Variants in OSBPL1A observed in about 807,000 individuals in gnomAD.
OSBPL1A encodes the protein oxysterol binding protein like 1A, also known as oxysterol-binding protein-related protein 1.
A neutral mutation model predicts 137.1 loss-of-function variants in OSBPL1A; 80 were observed. The observed-to-expected ratio is 0.58, with a 90% CI of 0.49 to 0.70. The LOEUF (loss-of-function observed/expected upper bound fraction) is 0.70. Among genes scored for constraint, OSBPL1A ranks in the 30% least tolerant of loss-of-function variants. The probability of loss-of-function intolerance (pLI) is 0.00; values close to 1 mark genes in which losing one functional copy is unlikely to be tolerated. For synonymous variants in OSBPL1A, 365 were observed against 389.7 expected (o/e 0.94, Z 0.75); for missense variants, 970 against 1,129.4 (o/e 0.86, Z 2.02).
At chr18:24,392,835 T>C (rs1160419678) in intron 1 of OSBPL1A, among the ~76,000 whole-genome samples, 1 of 151,992 alleles carries the variant, frequency 6.6e-6, no homozygotes, top group Non-Finnish European at 1.5e-5. Context: ...GGACCACAGG[T>C]GCACGCCACC....
chr18:24,304,756 T>C (rs2095890000), intron 13 of OSBPL1A, among the ~76,000 whole-genome samples: 1 of 152,304 alleles, frequency 6.6e-6, no homozygotes, highest in Middle Eastern at 3.4e-3. Context: ...ACCTTATAAA[T>C]TTTTTAGTGC....
intron 24 of OSBPL1A, among the ~76,000 whole-genome samples, chr18:24,169,157 A>AG (rs1300960981): frequency 1.3e-5 from 2 of 152,354 alleles, no homozygotes; most frequent in East Asian, 3.9e-4. Flanking sequence ...ACACAGCTAA[A>AG]GGGAAACAAA....
chr18:24,166,780 G>T, intron 25 of OSBPL1A, 78 bp from the exon 26 acceptor site: 1 of 1,437,838 alleles, frequency 7.0e-7, no homozygotes, highest in Non-Finnish European at 9.4e-7. Flanking sequence ...GTAGAAGAGG[G>T]TTGACTTGAC....
intron 13 of OSBPL1A, among the ~76,000 whole-genome samples, chr18:24,307,278 G>A (rs1030088871): frequency 3.3e-5 from 5 of 151,984 alleles, no homozygotes; most frequent in African/African-American, 7.3e-5. Flanking sequence ...GTGAGACCCT[G>A]TCTCAAAAAG....
At chr18:24,355,956 G>A (rs991613038) in intron 4 of OSBPL1A, among the ~76,000 whole-genome samples, 1 of 141,142 alleles carries the variant, frequency 7.1e-6, no homozygotes, top group Non-Finnish European at 1.5e-5. Context: ...CTGCACTCCA[G>A]TTAGGGCAAC....
At chr18:24,242,824 C>T (rs2088748770) in intron 15 of OSBPL1A, among the ~76,000 whole-genome samples, 1 of 152,068 alleles carries the variant, frequency 6.6e-6, no homozygotes, top group Non-Finnish European at 1.5e-5. Flanking sequence ...CATGTAATTA[C>T]AATTTTTAGA....
chr18:24,245,185 C>G (rs2088846551), intron 15 of OSBPL1A, among the ~76,000 whole-genome samples: 1 of 152,092 alleles, frequency 6.6e-6, no homozygotes, highest in Non-Finnish European at 1.5e-5. Context: ...TCAAACAATC[C>G]TCTTGACTCA....
chr18:24,269,526 A>C (rs2089664094), intron 15 of OSBPL1A, among the ~76,000 whole-genome samples: 1 of 152,226 alleles, frequency 6.6e-6, no homozygotes, highest in African/African-American at 2.4e-5. Context: ...AGTTTCTTAT[A>C]AGGTAAACAA....
At chr18:24,276,042 A>G (rs1434990783) in intron 15 of OSBPL1A, among the ~76,000 whole-genome samples, 3 of 152,048 alleles carry the variant, frequency 2.0e-5, no homozygotes, top group African/African-American at 7.2e-5. Context: ...TTCCAGTCAT[A>G]CAGTTGGGTC....
At chr18:24,289,862 T>A (rs372902691) in intron 14 of OSBPL1A, among the ~76,000 whole-genome samples, 1 of 152,150 alleles carries the variant, frequency 6.6e-6, no homozygotes, top group African/African-American at 2.4e-5. Flanking sequence ...GAAAGAATAG[T>A]TGTATATACT....
Position 24,271,919 on chromosome 18 carries a change from C to G in OSBPL1A, c.1281+8923G>C. On this transcript the variant is annotated intron_variant, in intron 15 of 27. Transcript: ENST00000319481. The surrounding 1 kb of genome is among the most constrained non-coding windows in gnomAD (Gnocchi z 4.0). ...CCCGCCCGGGCCGCAGAGGTCTGCG[C>G]TGCCCCTCCGCCGCCGCTGGCTCGG... is the stretch of plus-strand genomic sequence containing the variant. The G allele has an allele frequency of 4.1e-6, 4 of 983,962 alleles. No individual in the cohort carries two copies. The highest frequency in any genetic ancestry group is 4.8e-6 in the Non-Finnish European group (4 of 829,516). 61.0% of individuals were successfully genotyped at this position (983,962 alleles called of 1,614,324 possible). A position where few individuals can be genotyped will look rare whatever the true frequency, so the allele number is the denominator to read the frequency against.
chr18:24,388,781 C>G lies in OSBPL1A; in HGVS notation c.-3+8874G>C, dbSNP rs1599742279. Among the ~76,000 whole-genome samples, 2 of 101,788 alleles carry G rather than the reference C, an allele frequency of 2.0e-5. 1 individual carries two copies. The highest frequency in any genetic ancestry group is 6.6e-4 in the South Asian group (2 of 3,022). 66.8% of individuals were successfully genotyped at this position (101,788 alleles called of 152,430 possible). A position where few individuals can be genotyped will look rare whatever the true frequency, so the allele number is the denominator to read the frequency against. On this transcript the variant is annotated intron_variant, in intron 1 of 27. Coordinates refer to ENST00000319481, the MANE Select transcript of OSBPL1A (RefSeq NM_080597.4). ...CGCCACTGCACTTCAGTCTGGGCGA[C>G]AAGAGTGAGACTCTGTCTCAAAAAA...
chr18:24,240,552 T>C (rs1248521924), intron 15 of OSBPL1A, among the ~76,000 whole-genome samples: 1 of 152,166 alleles, frequency 6.6e-6, no homozygotes, highest in East Asian at 1.9e-4. Flanking sequence ...ATGTGCACTA[T>C]AGACAGACAG....
rs80287227 is a variant in OSBPL1A, at chr18:24,237,912, C to T, written c.1444+1308G>A. ...CGTGAGTCACTCTGTTCACAAATCCCTTATTTAATTGACAACCCGTCATCA... is the reference window on the plus strand; with the variant it reads ...CGTGAGTCACTCTGTTCACAAATCCTTTATTTAATTGACAACCCGTCATCA... On this transcript the variant is annotated intron_variant, in intron 16 of 27. Transcript: ENST00000319481. Among the ~76,000 whole-genome samples the T allele has an allele frequency of 5.1e-3, 773 of 152,298 alleles. 26 individuals are homozygous for T. The East Asian group carries it at 0.097, about 19-fold the overall frequency.
At chr18:24,320,852 A>AC (rs1168448910) in intron 7 of OSBPL1A, among the ~76,000 whole-genome samples, 1 of 151,618 alleles carries the variant, frequency 6.6e-6, no homozygotes, top group African/African-American at 2.4e-5. Context: ...ACATGGTGAA[A>AC]CCCCCATCTC....
At chr18:24,188,864 T>C (rs1177536815) in intron 18 of OSBPL1A, among the ~76,000 whole-genome samples, 1 of 152,246 alleles carries the variant, frequency 6.6e-6, no homozygotes, top group Non-Finnish European at 1.5e-5. Context: ...GAAAATTCAC[T>C]GATACATCAT....
intron 1 of OSBPL1A, among the ~76,000 whole-genome samples, chr18:24,396,696 G>C (rs557719043): frequency 1.3e-5 from 2 of 152,082 alleles, no homozygotes; most frequent in South Asian, 4.1e-4. Context: ...GGGGAGGGAG[G>C]GGGGTGGTTC....
chr18:24,363,309 G>A (rs1051687963), intron 4 of OSBPL1A, among the ~76,000 whole-genome samples: 4 of 152,118 alleles, frequency 2.6e-5, no homozygotes, highest in African/African-American at 7.2e-5. Flanking sequence ...TGCTTTTCCC[G>A]TTGCTAGAGA....
intron 17 of OSBPL1A, among the ~76,000 whole-genome samples, chr18:24,198,151 G>C: frequency 6.6e-6 from 1 of 152,112 alleles, no homozygotes; most frequent in East Asian, 1.9e-4. Flanking sequence ...AGAGTTATGA[G>C]CTTGAAAGAA....
Sources: allele counts gnomAD v4.1 joint callset (sites outside exome capture counted in the v4.1 genomes callset), GRCh38; gene constraint gnomAD v4.1.1; non-coding constraint Gnocchi (gnomAD v3.1); transcripts MANE v1.5; gene names NCBI Gene and HGNC (gene_info 2026-07-23, HGNC 2026-07-21).